Variants in TMEM150C observed in about 807,000 individuals in gnomAD.
TMEM150C encodes transmembrane protein 150C.
In TMEM150C, 10 loss-of-function variants were observed where a neutral mutation model predicts 29.9. That is an observed-to-expected ratio of 0.33 (90% CI 0.21 to 0.57). The LOEUF is 0.57. Among genes scored for constraint, TMEM150C ranks in the 20% least tolerant of loss-of-function variants. TMEM150C has a pLI of 0.88. For synonymous variants in TMEM150C, 101 were observed against 112.5 expected, an observed-to-expected ratio of 0.90 and a Z score of 0.64; for missense variants, 251 against 303.6, an observed-to-expected ratio of 0.83 and a Z score of 1.29.
At position 82,487,019 on chromosome 4, in the gene TMEM150C, C is replaced by G. The variant is rs906516009; in HGVS notation, c.542-1300G>C. Among the ~76,000 whole-genome samples the G allele has an allele frequency of 2.6e-5, 4 of 151,934 alleles. No homozygotes were observed. In the South Asian group the frequency reaches 6.2e-4, roughly 24 times the overall value. On this transcript the variant is annotated intron_variant, in intron 7 of 7. Coordinates refer to ENST00000449862, the MANE Select transcript of TMEM150C (RefSeq NM_001080506.3). ...CTGAAATCGGGAAATTTTCAGAGAG[C>G]AAGAATGTGAAATTACTTCAGCCAA...
chr4:82,487,725 G>A (rs1055085350), intron 7 of TMEM150C, among the ~76,000 whole-genome samples: 3 of 152,066 alleles, frequency 2.0e-5, no homozygotes, highest in African/African-American at 7.2e-5. Flanking sequence ...TGGTGGAACA[G>A]GAATTTGTGA....
chr4:82,535,515 G>A (rs529447321), intron 1 of TMEM150C, among the ~76,000 whole-genome samples: 1 of 152,290 alleles, frequency 6.6e-6, no homozygotes, highest in South Asian at 2.1e-4. Context: ...CAATTCAGGT[G>A]GGGAAGCCAC....
At chr4:82,507,705 A>G (rs987089546) in intron 1 of TMEM150C, among the ~76,000 whole-genome samples, 8 of 144,712 alleles carry the variant, frequency 5.5e-5, no homozygotes, top group African/African-American at 1.8e-4. Context: ...CAATATATTA[A>G]ATTAACTCTC....
intron 1 of TMEM150C, among the ~76,000 whole-genome samples, chr4:82,534,275 C>T (rs563290963): frequency 6.6e-6 from 1 of 152,208 alleles, no homozygotes; most frequent in South Asian, 2.1e-4. Flanking sequence ...AATTTGTTTC[C>T]AGGTGATAGG....
chr4:82,485,474 G>A lies in TMEM150C; in HGVS notation c.*37C>T. The A allele has an allele frequency of 2.6e-6, 4 of 1,537,502 alleles. No homozygotes were observed. The highest frequency in any genetic ancestry group is 3.5e-6 in the Non-Finnish European group (4 of 1,131,240). On this transcript the variant is annotated 3_prime_UTR_variant, in exon 8 of 8. Coordinates refer to ENST00000449862, the MANE Select transcript of TMEM150C (RefSeq NM_001080506.3). The stretch of plus-strand genomic sequence containing the variant: ...GTGTCCTACTGGCCCCTCCCCCACT[G>A]TCACACCCACCTCACCAGCAAGGAA...
chr4:82,521,977 C>G (rs1724502506), intron 1 of TMEM150C, among the ~76,000 whole-genome samples: 1 of 152,050 alleles, frequency 6.6e-6, no homozygotes, highest in African/African-American at 2.4e-5. Flanking sequence ...GTGGGAGAAT[C>G]GCTTGAACCT....
chr4:82,529,164 G>A (rs552050164), intron 1 of TMEM150C, among the ~76,000 whole-genome samples: 4 of 152,074 alleles, frequency 2.6e-5, no homozygotes, highest in African/African-American at 9.7e-5. Flanking sequence ...GAGGACAAAG[G>A]GGATGCTGCC....
intron 1 of TMEM150C, among the ~76,000 whole-genome samples, chr4:82,519,959 G>A (rs957347603): frequency 6.6e-6 from 1 of 152,132 alleles, no homozygotes; most frequent in Non-Finnish European, 1.5e-5. Context: ...CGCTGATAAA[G>A]GAGTCTACTG....
At chr4:82,530,966 G>T (rs1009640307) in intron 1 of TMEM150C, among the ~76,000 whole-genome samples, 1 of 152,136 alleles carries the variant, frequency 6.6e-6, no homozygotes, top group African/African-American at 2.4e-5. Flanking sequence ...TAGGGAGATG[G>T]TGCTAAACCA....
chr4:82,497,155 A>C (rs1283656532), intron 5 of TMEM150C, among the ~76,000 whole-genome samples: 2 of 152,070 alleles, frequency 1.3e-5, no homozygotes, highest in African/African-American at 4.8e-5. Context: ...TCTAAGGATG[A>C]CCTTTTTTTT....
chr4:82,512,563 T>A (rs1393810418), intron 1 of TMEM150C, among the ~76,000 whole-genome samples: 1 of 152,178 alleles, frequency 6.6e-6, no homozygotes, highest in Non-Finnish European at 1.5e-5. Flanking sequence ...GGAAAATGAA[T>A]GAAGGCTCAT....
chr4:82,522,944 G>A (rs1724534151), intron 1 of TMEM150C, among the ~76,000 whole-genome samples: 2 of 152,120 alleles, frequency 1.3e-5, no homozygotes. Flanking sequence ...ATTGAAGGCT[G>A]GGGTTTTTTT....
rs534238026 is a variant in TMEM150C at position 82,554,759 on chromosome 4, G to A, written c.-11+7147C>T. Among the ~76,000 whole-genome samples the A allele has an allele frequency of 4.6e-5, 7 of 152,120 alleles. No homozygotes were observed. The East Asian group carries it at 7.7e-4, about 17-fold the overall frequency. ...AAAGTATGGGCTAATTTCCTATACCGCCATAGTTAAGCATAGTTACTTCTT... is the reference window on the plus strand; with the variant it reads ...AAAGTATGGGCTAATTTCCTATACCACCATAGTTAAGCATAGTTACTTCTT... On this transcript the variant is annotated intron_variant, in intron 1 of 7. Transcript: ENST00000449862.
intron 1 of TMEM150C, among the ~76,000 whole-genome samples, chr4:82,530,592 G>T (rs983239040): frequency 6.6e-6 from 1 of 152,080 alleles, no homozygotes; most frequent in Non-Finnish European, 1.5e-5. Flanking sequence ...ACCACATCCT[G>T]TTCCACACTG....
intron 1 of TMEM150C, among the ~76,000 whole-genome samples, chr4:82,524,193 G>A (rs974456177): frequency 2.0e-5 from 3 of 151,612 alleles, no homozygotes; most frequent in African/African-American, 7.3e-5. Flanking sequence ...GCGTGAACCC[G>A]GGGGGCGGAG....
rs916340758 is a variant in TMEM150C, at chr4:82,505,040, A to C, written c.-10-373T>G. Among the ~76,000 whole-genome samples, 5 of 152,174 alleles carry C rather than the reference A, an allele frequency of 3.3e-5. No individual in the cohort carries two copies. In the South Asian group the frequency reaches 6.2e-4, roughly 19 times the overall value. On this transcript the variant is annotated intron_variant, in intron 1 of 7. Transcript: ENST00000449862. Reference sequence around the variant, plus strand: ...GCGAGACTGTCTCAAAACAAACAAAAAAGAAAGTTTAGTCTAACTGAAAAA... The same window carrying C: ...GCGAGACTGTCTCAAAACAAACAAACAAGAAAGTTTAGTCTAACTGAAAAA...
chr4:82,552,235 C>T (rs145559800), intron 1 of TMEM150C, among the ~76,000 whole-genome samples: 123 of 152,336 alleles, frequency 8.1e-4, no homozygotes, highest in African/African-American at 2.8e-3. Context: ...AAATTACCCA[C>T]TACCCTCGGG....
intron 5 of TMEM150C, among the ~76,000 whole-genome samples, chr4:82,500,066 A>C (rs182777889): frequency 2.8e-4 from 43 of 152,350 alleles, no homozygotes; most frequent in African/African-American, 9.9e-4. Flanking sequence ...AATTTGTCTT[A>C]GGTCTTTTTC....
In TMEM150C at chr4:82,502,947, A is replaced by AC; in HGVS notation, c.135-21_135-20insG. 6.3e-7 allele frequency: 1 copy of AC among 1,585,514 alleles called. No homozygotes were observed. Among genetic ancestry groups the AC allele is most frequent in the Non-Finnish European group, 8.6e-7 (1 of 1,166,662 alleles). ...GGTTTCCTGGATAATAAAAAAAAAA[A>AC]ACACAGAAGCTCAGGTTAAAGCACT... is the stretch of plus-strand genomic sequence containing the variant. On this transcript the variant is annotated intron_variant, in intron 3 of 7. Coordinates refer to ENST00000449862, the MANE Select transcript of TMEM150C (RefSeq NM_001080506.3).
Sources: gnomAD v4.1 joint callset for allele counts (sites outside exome capture counted in the v4.1 genomes callset) on GRCh38, gnomAD v4.1.1 for gene constraint, MANE v1.5 for transcripts, NCBI Gene and HGNC (gene_info 2026-07-23, HGNC 2026-07-21) for gene names.